Variants in SLC24A2 observed in about 807,000 individuals in gnomAD.
The protein encoded by SLC24A2 is solute carrier family 24 member 2.
A neutral mutation model predicts 62.0 loss-of-function variants in SLC24A2; 36 were observed. The observed-to-expected ratio is 0.58, with a 90% CI of 0.44 to 0.77. The LOEUF (loss-of-function observed/expected upper bound fraction) is 0.77. SLC24A2 is among the 30% of genes least tolerant of loss of function. SLC24A2 has a pLI of 0.00. For synonymous variants in SLC24A2, 358 were observed against 294.0 expected (o/e 1.22, Z -2.23); for missense variants, 846 against 817.9 (o/e 1.03, Z -0.42).
the SLC24A2 span, among the ~76,000 whole-genome samples, chr9:20,083,411 A>G: frequency 1.3e-5 from 2 of 152,334 alleles, no homozygotes; most frequent in Non-Finnish European, 2.9e-5. Flanking sequence ...GGGACCTGAA[A>G]AAAGGTGGAA....
Position 19,578,358 on chromosome 9 carries a change from CAAAAA to C in SLC24A2, c.1130-1341_1130-1337del, listed in dbSNP as rs3085616. On this transcript the variant is annotated intron_variant, in intron 5 of 10. Coordinates refer to ENST00000341998, the MANE Select transcript of SLC24A2 (RefSeq NM_020344.4). ...TAATAAGTAAATGCATGCAATAAGC[CAAAAA>C]AAAAAAAAAAAAAGCAAGCAAAAGT... Among the ~76,000 whole-genome samples, 1,126 of 135,578 alleles carry C rather than the reference CAAAAA, an allele frequency of 8.3e-3. 7 individuals are homozygous for C. The highest frequency in any genetic ancestry group is 0.013 in the Admixed American group (175 of 13,634). The allele number at this position is 135,578 out of a possible 152,430, so 88.9% of individuals were successfully genotyped here. A position where few individuals can be genotyped will look rare whatever the true frequency, so the allele number is the denominator to read the frequency against.
the SLC24A2 span, among the ~76,000 whole-genome samples, chr9:20,268,505 G>A: frequency 1.3e-5 from 2 of 152,164 alleles, no homozygotes; most frequent in Non-Finnish European, 2.9e-5. Flanking sequence ...TTTATAAGAA[G>A]AGGAAGAGAG....
the SLC24A2 span, among the ~76,000 whole-genome samples, chr9:20,044,111 T>G: frequency 0.034 from 4,840 of 142,498 alleles, 240 homozygotes; most frequent in African/African-American, 0.11. Context: ...AGATGATCAC[T>G]AGCACTTTTT....
the SLC24A2 span, among the ~76,000 whole-genome samples, chr9:19,959,172 T>C: frequency 1.3e-5 from 2 of 152,022 alleles, no homozygotes; most frequent in African/African-American, 4.8e-5. Context: ...AGGAGAAGAA[T>C]CAGTGATGAG....
the SLC24A2 span, among the ~76,000 whole-genome samples, chr9:19,890,566 T>C: frequency 6.6e-6 from 1 of 152,194 alleles, no homozygotes; most frequent in Non-Finnish European, 1.5e-5. Flanking sequence ...GATGACTTCT[T>C]CTCCTTTACT....
the SLC24A2 span, among the ~76,000 whole-genome samples, chr9:20,171,868 A>G: frequency 1.3e-5 from 2 of 152,100 alleles, no homozygotes; most frequent in Non-Finnish European, 2.9e-5. Context: ...AATGGACTTA[A>G]CAAATATTTA....
the SLC24A2 span, among the ~76,000 whole-genome samples, chr9:20,016,409 A>G: frequency 4.6e-5 from 7 of 152,208 alleles, no homozygotes; most frequent in African/African-American, 1.7e-4. Flanking sequence ...TTGTGAGGTC[A>G]AATTAACTGC....
At chr9:20,127,667 G>C in the SLC24A2 span, among the ~76,000 whole-genome samples, 1 of 152,080 alleles carries the variant, frequency 6.6e-6, no homozygotes, top group Non-Finnish European at 1.5e-5. Flanking sequence ...GTTCCAGTTA[G>C]GGTTCTAACT....
At chr9:19,985,332 A>G in the SLC24A2 span, among the ~76,000 whole-genome samples, 1 of 152,214 alleles carries the variant, frequency 6.6e-6, no homozygotes, top group African/African-American at 2.4e-5. Context: ...AACATTAGAA[A>G]CAAAAGTCCA....
intron 2 of SLC24A2, among the ~76,000 whole-genome samples, chr9:19,778,334 T>C (rs571991289): frequency 6.6e-6 from 1 of 152,300 alleles, no homozygotes; most frequent in African/African-American, 2.4e-5. Context: ...TGCCATTCCT[T>C]AGCAGCCTAA....
chr9:20,080,321 C>G, the SLC24A2 span, among the ~76,000 whole-genome samples: 7 of 152,070 alleles, frequency 4.6e-5, 1 homozygote, highest in Non-Finnish European at 1.0e-4. Context: ...GAAATAATGC[C>G]GCATATCTGC....
the SLC24A2 span, among the ~76,000 whole-genome samples, chr9:20,267,702 G>A: frequency 0.022 from 3,302 of 152,238 alleles, 57 homozygotes; most frequent in Admixed American, 0.036. Context: ...TGTACTTGGC[G>A]TATTGCAGGA....
chr9:20,129,356 G>T, the SLC24A2 span, among the ~76,000 whole-genome samples: 9 of 152,086 alleles, frequency 5.9e-5, no homozygotes, highest in African/African-American at 1.4e-4. Context: ...AATGTAAAAT[G>T]GTGCAGCTGC....
chr9:19,856,822 C>T, the SLC24A2 span, among the ~76,000 whole-genome samples: 4 of 152,180 alleles, frequency 2.6e-5, no homozygotes, highest in African/African-American at 4.8e-5. Context: ...CATGGTGGAT[C>T]GGTTGCGCTG....
the SLC24A2 span, among the ~76,000 whole-genome samples, chr9:20,145,579 C>T: frequency 6.6e-6 from 1 of 151,058 alleles, no homozygotes; most frequent in African/African-American, 2.4e-5. Flanking sequence ...AAGTAAATTG[C>T]TCCTATGATT....
the SLC24A2 span, among the ~76,000 whole-genome samples, chr9:19,823,342 T>C: frequency 2.0e-5 from 3 of 151,972 alleles, no homozygotes; most frequent in Admixed American, 2.0e-4. Context: ...CACAAACACA[T>C]AATTTTGAAC....
chr9:20,251,246 T>C, the SLC24A2 span, among the ~76,000 whole-genome samples: 1 of 152,196 alleles, frequency 6.6e-6, no homozygotes, highest in Non-Finnish European at 1.5e-5. Flanking sequence ...CTCTTAGGTG[T>C]TTCCTCTCAG....
chr9:19,830,472 C>T, the SLC24A2 span, among the ~76,000 whole-genome samples: 2 of 152,152 alleles, frequency 1.3e-5, no homozygotes, highest in African/African-American at 4.8e-5. Context: ...AATCAGGAAG[C>T]TGACTCTTAG....
chr9:19,572,936 G>A (rs1835882119), intron 7 of SLC24A2, among the ~76,000 whole-genome samples: 1 of 152,134 alleles, frequency 6.6e-6, no homozygotes, highest in Non-Finnish European at 1.5e-5. Flanking sequence ...CACAGAGAAA[G>A]GATTAAACTG....
Sources: allele counts gnomAD v4.1 joint callset (sites outside exome capture counted in the v4.1 genomes callset), GRCh38; gene constraint gnomAD v4.1.1; transcripts MANE v1.5; gene names NCBI Gene and HGNC (gene_info 2026-07-23, HGNC 2026-07-21).